Variants in DHX15 observed in about 807,000 individuals in gnomAD.
DHX15 encodes the protein DEAH-box helicase 15.
Under a neutral mutation model 94.4 loss-of-function variants are expected in DHX15, and 11 were observed. That is an observed-to-expected ratio of 0.12 (90% CI 0.07 to 0.19). The LOEUF (loss-of-function observed/expected upper bound fraction) is 0.19. DHX15 is among the 10% of genes least tolerant of loss of function. The pLI, the probability that DHX15 is intolerant of heterozygous loss-of-function variation, is 1.00. For synonymous variants in DHX15, 338 were observed against 329.9 expected (o/e 1.02, Z -0.27); for missense variants, 304 against 988.5 (o/e 0.31, Z 9.29).
At chr4:24,538,416 G>A (rs1291216982) in intron 10 of DHX15, 1 of 151,966 alleles carries the variant, frequency 6.6e-6, no homozygotes, top group Non-Finnish European at 1.5e-5. Context: ...ATTCATAAAA[G>A]CACACAAACT....
At chr4:24,543,558 A>G (rs1045578849) in intron 6 of DHX15, among the ~76,000 whole-genome samples, 55 of 152,132 alleles carry the variant, frequency 3.6e-4, no homozygotes, top group Non-Finnish European at 7.1e-4. Context: ...TCAAATGTAA[A>G]TATTTCGGTA....
At chr4:24,583,430 C>G (rs925524138) in intron 1 of DHX15, among the ~76,000 whole-genome samples, 6 of 151,324 alleles carry the variant, frequency 4.0e-5, no homozygotes, top group Non-Finnish European at 5.9e-5. Flanking sequence ...ATTTCAAAAG[C>G]TACTTATGAA....
chr4:24,567,715 T>C (rs1722024188), intron 3 of DHX15, among the ~76,000 whole-genome samples: 1 of 152,120 alleles, frequency 6.6e-6, no homozygotes, highest in Admixed American at 6.5e-5. Flanking sequence ...TAGTCACAAA[T>C]ACAGCAATAT....
intron 6 of DHX15, among the ~76,000 whole-genome samples, chr4:24,547,078 T>C (rs575882184): frequency 6.6e-6 from 1 of 152,322 alleles, no homozygotes; most frequent in East Asian, 1.9e-4. Context: ...ATGAAAATGA[T>C]GCAGCAACTG....
chr4:24,550,685 T>C (rs1347544965), intron 5 of DHX15, among the ~76,000 whole-genome samples: 1 of 152,128 alleles, frequency 6.6e-6, no homozygotes, highest in Non-Finnish European at 1.5e-5. Flanking sequence ...AACAATGCCT[T>C]CTCCTAGAAC....
intron 1 of DHX15, among the ~76,000 whole-genome samples, chr4:24,581,413 C>T (rs1722413804): frequency 6.6e-6 from 1 of 152,168 alleles, no homozygotes; most frequent in South Asian, 2.1e-4. Context: ...CAAAATAACA[C>T]GCGTTGATCC....
At chr4:24,533,620 T>G (rs1721134867) in intron 11 of DHX15, 1 of 156,120 alleles carries the variant, frequency 6.4e-6, no homozygotes, top group Non-Finnish European at 1.4e-5. Context: ...AAACAAGACC[T>G]AAGTCTAAGC....
At chr4:24,575,048 T>G (rs1722224257) in intron 2 of DHX15, among the ~76,000 whole-genome samples, 1 of 151,908 alleles carries the variant, frequency 6.6e-6, no homozygotes. Flanking sequence ...TCCCAGCTAC[T>G]TGGGAGGCTG....
chr4:24,537,136 T>C lies in DHX15; in HGVS notation c.1824A>G (p.Lys608=), dbSNP rs1721214128. The C allele has an allele frequency of 6.2e-7, 1 of 1,613,824 alleles. No individual in the cohort carries two copies. Among genetic ancestry groups the C allele is most frequent in the South Asian group, 1.1e-5 (1 of 91,072 alleles). ...ATCTCATCTTGGCCTCATCTGCGGC[T>C]TTCTTGGCCTCCGTGGGGCGAACAA... ...QCFVRPTEAK[K]AADEAKMRFA... The change falls in exon 11 of 14, where the codon AAA becomes AAG. Residue 608 remains lysine (K), a synonymous_variant. Coordinates refer to ENST00000336812, the MANE Select transcript of DHX15 (RefSeq NM_001358.3). The surrounding 1 kb of genome is among the most constrained non-coding windows in gnomAD (Gnocchi z 4.7).
At position 24,542,880 on chromosome 4, in the gene DHX15, A is replaced by T. The variant is rs575447718; in HGVS notation, c.1335+60T>A. ...AAAGGTAAATTTTAGCCATTAAATG[A>T]ATTGGTTGTAAGTACTGTTAAACCA... is the stretch of plus-strand genomic sequence containing the variant. On this transcript the variant is annotated intron_variant, in intron 7 of 13. Transcript: ENST00000336812. The T allele has an allele frequency of 3.0e-4, 363 of 1,206,946 alleles. 2 individuals are homozygous for T. In the African/African-American group the frequency reaches 5.0e-3, roughly 17 times the overall value. 74.8% of individuals were successfully genotyped at this position (1,206,946 alleles called of 1,614,324 possible).
At chr4:24,580,346 G>A (rs1296183741) in intron 1 of DHX15, among the ~76,000 whole-genome samples, 1 of 152,060 alleles carries the variant, frequency 6.6e-6, no homozygotes, top group Non-Finnish European at 1.5e-5. Flanking sequence ...ATTTGAGACT[G>A]CAGTGAGCCA....
At chr4:24,565,710 CTGGTTAAA>C (rs756185450) in intron 3 of DHX15, among the ~76,000 whole-genome samples, 59 of 152,188 alleles carry the variant, frequency 3.9e-4, no homozygotes, top group Non-Finnish European at 5.7e-4. Flanking sequence ...ACTGGGTTAA[CTGGTTAAA>C]AAGATCCAAT....
At chr4:24,564,599 G>T (rs1721954821) in intron 3 of DHX15, among the ~76,000 whole-genome samples, 1 of 152,148 alleles carries the variant, frequency 6.6e-6, no homozygotes, top group African/African-American at 2.4e-5. Context: ...AGTCAGTGAA[G>T]AGCCAGTGAT....
intron 10 of DHX15, chr4:24,538,371 T>C (rs957828975): frequency 1.1e-4 from 16 of 152,164 alleles, no homozygotes; most frequent in Non-Finnish European, 2.2e-4. Context: ...ATAATAAATA[T>C]TAAAACTCTT....
rs563886596 is a variant in DHX15, at chr4:24,537,522, T to C, written c.1787-349A>G. The C allele has an allele frequency of 2.0e-4, 33 of 165,320 alleles. No individual in the cohort carries two copies. The highest frequency in any genetic ancestry group is 5.9e-4 in the African/African-American group (25 of 42,034). The allele number at this position is 165,320 out of a possible 1,614,324, so 10.2% of individuals were successfully genotyped here. A position where few individuals can be genotyped will look rare whatever the true frequency, so the allele number is the denominator to read the frequency against. On this transcript the variant is annotated intron_variant, in intron 10 of 13. Transcript: ENST00000336812. The surrounding 1 kb of genome is among the most constrained non-coding windows in gnomAD (Gnocchi z 4.7). ...CCAATAACCAGAATAACGGTGTCAA[T>C]TGCCTTTTAGCTAACTGTAATTTTT...
chr4:24,570,871 A>G, intron 2 of DHX15, 24 bp from the exon 3 acceptor site: 1 of 1,607,548 alleles, frequency 6.2e-7, no homozygotes, highest in Non-Finnish European at 8.5e-7. Context: ...TCACATTTAA[A>G]TTAATTCTAT....
At chr4:24,573,983 G>T (rs1206538934) in intron 2 of DHX15, among the ~76,000 whole-genome samples, 1 of 151,342 alleles carries the variant, frequency 6.6e-6, no homozygotes, top group African/African-American at 2.4e-5. Flanking sequence ...ATAACTTGAG[G>T]TCAGGATTTA....
chr4:24,535,128 T>A (rs1276848284), intron 11 of DHX15, among the ~76,000 whole-genome samples: 1 of 152,170 alleles, frequency 6.6e-6, no homozygotes, highest in Non-Finnish European at 1.5e-5. Context: ...TGAGAGATCA[T>A]AGTACCTCTC....
At chr4:24,579,059 A>C (rs1219037305) in intron 1 of DHX15, among the ~76,000 whole-genome samples, 1 of 152,182 alleles carries the variant, frequency 6.6e-6, no homozygotes, top group Non-Finnish European at 1.5e-5. Flanking sequence ...AAACCAAACA[A>C]AGGATGTATA....
Sources: gnomAD v4.1 joint callset for allele counts (sites outside exome capture counted in the v4.1 genomes callset) on GRCh38, gnomAD v4.1.1 for gene constraint, Gnocchi (gnomAD v3.1) non-coding constraint, MANE v1.5 for transcripts, NCBI Gene and HGNC (gene_info 2026-07-23, HGNC 2026-07-21) for gene names.